The following ORC2 variants were observed in gnomAD, a reference collection of about 807,000 sequenced individuals.
ORC2 encodes origin recognition complex subunit 2.
ORC2 carries 37 observed loss-of-function variants against 77.7 expected under a neutral mutation model. That is an observed-to-expected ratio of 0.48 (90% CI 0.37 to 0.63). ORC2 has a LOEUF of 0.63. Among genes scored for constraint, ORC2 ranks in the 20% least tolerant of loss-of-function variants. The pLI, the probability that ORC2 is intolerant of heterozygous loss-of-function variation, is 0.00. For synonymous variants in ORC2, 201 were observed against 229.5 expected (o/e 0.88, Z 1.12); for missense variants, 557 against 661.9 (o/e 0.84, Z 1.74).
intron 4 of ORC2, among the ~76,000 whole-genome samples, chr2:200,950,603 T>A (rs2041335191): frequency 6.6e-6 from 1 of 152,212 alleles, no homozygotes; most frequent in Non-Finnish European, 1.5e-5. Context: ...CAAGTTACCA[T>A]ATTGACTAAT....
chr2:200,924,480 A>C (rs1202904394), intron 13 of ORC2, among the ~76,000 whole-genome samples: 1 of 152,224 alleles, frequency 6.6e-6, no homozygotes, highest in Non-Finnish European at 1.5e-5. Context: ...ACATGCTAGA[A>C]TATTGACAAG....
intron 15 of ORC2, among the ~76,000 whole-genome samples, chr2:200,915,828 C>T (rs990693561): frequency 2.0e-5 from 3 of 151,804 alleles, no homozygotes; most frequent in African/African-American, 7.3e-5. Flanking sequence ...TGAGTAGTTG[C>T]GATTACAGGT....
chr2:200,959,982 A>AC (rs1553501110), intron 1 of ORC2, among the ~76,000 whole-genome samples: 4 of 150,960 alleles, frequency 2.6e-5, no homozygotes, highest in South Asian at 4.2e-4. Context: ...TCTGTCTCTA[A>AC]TTTTTTTTTC....
At chr2:200,917,214 C>T (rs1217834818) in intron 15 of ORC2, among the ~76,000 whole-genome samples, 1 of 151,880 alleles carries the variant, frequency 6.6e-6, no homozygotes, top group Non-Finnish European at 1.5e-5. Flanking sequence ...AGGCTGGTCT[C>T]GAACTCCTGA....
At chr2:200,924,345 A>T (rs921023666) in intron 13 of ORC2, among the ~76,000 whole-genome samples, 4 of 146,082 alleles carry the variant, frequency 2.7e-5, no homozygotes, top group African/African-American at 7.5e-5. Flanking sequence ...AGACTGTGTT[A>T]AAAAAAAAAA....
chr2:200,961,793 C>A (rs1203156298), intron 1 of ORC2, among the ~76,000 whole-genome samples: 1 of 152,108 alleles, frequency 6.6e-6, no homozygotes, highest in Non-Finnish European at 1.5e-5. Context: ...TAAAGGAAAG[C>A]AGAAAATAAA....
Position 200,931,439 on chromosome 2 carries a change from G to C in ORC2, c.817C>G (p.Arg273Gly), listed in dbSNP as rs750531765. The change falls in exon 11 of 18, where the codon CGT (arginine) becomes GGT (glycine). Residue 273 changes from arginine to glycine, a missense_variant. By Grantham distance (125) the Arg-to-Gly change is moderately radical. Transcript: ENST00000234296. ...GGGGAAACCTTGCTCAATAAGTTAC[G>C]CAAAGTTTGCTTTAAAAAAAAGGAG... ...KRAKLDQQTL[R>G]NLLSKVSPSF... 1.9e-6 allele frequency: 3 copies of C among 1,548,110 alleles called. No individual in the cohort carries two copies. Among genetic ancestry groups the C allele is most frequent in the Non-Finnish European group, 2.6e-6 (3 of 1,148,758 alleles).
intron 16 of ORC2, 103 bp downstream of exon 16, chr2:200,913,828 T>G: frequency 6.9e-7 from 1 of 1,456,738 alleles, no homozygotes; most frequent in Non-Finnish European, 9.0e-7. Flanking sequence ...GACCACTTAC[T>G]CACTGCTGTG....
At chr2:200,949,695 G>GA (rs1559021625) in intron 4 of ORC2, 52 bp from the exon 5 acceptor site, 5 of 1,101,384 alleles carry the variant, frequency 4.5e-6, no homozygotes, top group Non-Finnish European at 6.7e-6. Context: ...AAAATTAACA[G>GA]AAAAAAATTT....
At chr2:200,940,925 C>G (rs2041140341) in intron 7 of ORC2, among the ~76,000 whole-genome samples, 1 of 152,106 alleles carries the variant, frequency 6.6e-6, no homozygotes, top group African/African-American at 2.4e-5. Flanking sequence ...GCAAAAGAAA[C>G]AGAACATGAT....
At chr2:200,949,415 G>A (rs1485230218) in intron 5 of ORC2, 139 bp downstream of exon 5, 10 of 581,288 alleles carry the variant, frequency 1.7e-5, no homozygotes, top group East Asian at 6.4e-5. Flanking sequence ...TTTAGGGAAC[G>A]TCTCATTATT....
rs1003149925 is a variant in ORC2 at position 200,925,028 on chromosome 2, G to A, written c.1147+808C>T. ...ACTGAGCTCGGCCTCCCAAAGTGCT[G>A]GGATTACAGGCGTCAGCCACTGCGC... On this transcript the variant is annotated intron_variant, in intron 13 of 17. Transcript: ENST00000234296. 2.0e-5 allele frequency among the ~76,000 whole-genome samples: 3 copies of A among 152,274 alleles called. No homozygotes were observed. The East Asian group carries it at 5.8e-4, about 29-fold the overall frequency.
chr2:200,916,325 A>C (rs1342712855), intron 15 of ORC2, among the ~76,000 whole-genome samples: 1 of 152,066 alleles, frequency 6.6e-6, no homozygotes, highest in African/African-American at 2.4e-5. Context: ...TCTACTAAAA[A>C]TACAAAAATT....
intron 11 of ORC2, among the ~76,000 whole-genome samples, chr2:200,927,791 G>T (rs1484155311): frequency 6.6e-6 from 1 of 151,054 alleles, no homozygotes; most frequent in East Asian, 2.0e-4. Context: ...TCCGCCTCCC[G>T]GGTTCAAGCG....
chr2:200,927,977 C>A (rs112153970), intron 11 of ORC2, among the ~76,000 whole-genome samples: 1 of 151,762 alleles, frequency 6.6e-6, no homozygotes, highest in Non-Finnish European at 1.5e-5. Context: ...CATGAGCCAC[C>A]GTGCAAGGCC....
In ORC2 at chr2:200,935,874, T is replaced by G; in HGVS notation, c.533A>C (p.Asp178Ala). 1 of 1,613,552 alleles carries G rather than the reference T, an allele frequency of 6.2e-7. No homozygotes were observed. The highest frequency in any genetic ancestry group is 1.1e-5 in the South Asian group (1 of 90,918). Residue 178 changes from aspartate (D) to alanine (A), a missense_variant, in exon 9 of 18, where the codon GAC becomes GCC. Physicochemically the swap from Asp to Ala is moderately radical, Grantham distance 126. Coordinates refer to ENST00000234296, the MANE Select transcript of ORC2 (RefSeq NM_006190.5). Reference protein sequence around the residue: ...KRLIVPRSHSDSESEYSASNS... With the variant: ...KRLIVPRSHSASESEYSASNS... ...GGAAGCAGAATATTCGCTTTCACTG[T>G]CAGAATGAGACCTTGGAACTGTGGG... is the stretch of plus-strand genomic sequence containing the variant.
intron 9 of ORC2, 120 bp downstream of exon 9, chr2:200,935,579 A>C: frequency 1.4e-6 from 1 of 737,438 alleles, no homozygotes; most frequent in South Asian, 2.2e-5. Flanking sequence ...TGGAAGGCTG[A>C]GAAAATATAG....
At chr2:200,924,851 C>T (rs570425750) in intron 13 of ORC2, among the ~76,000 whole-genome samples, 9 of 152,082 alleles carry the variant, frequency 5.9e-5, no homozygotes, top group South Asian at 4.2e-4. Flanking sequence ...CTCTGCCTCC[C>T]GGGCTCAAGC....
At chr2:200,914,357 G>A (rs2040604237) in intron 15 of ORC2, among the ~76,000 whole-genome samples, 1 of 151,954 alleles carries the variant, frequency 6.6e-6, no homozygotes, top group Non-Finnish European at 1.5e-5. Flanking sequence ...TAGTAGAGAT[G>A]GGGTTTCACC....
Sources: gnomAD v4.1 joint callset for allele counts (sites outside exome capture counted in the v4.1 genomes callset) on GRCh38, gnomAD v4.1.1 for gene constraint, MANE v1.5 for transcripts, NCBI Gene and HGNC (gene_info 2026-07-23, HGNC 2026-07-21) for gene names.